The following SRMS variants were observed in gnomAD, a reference collection of about 807,000 sequenced individuals.
SRMS encodes src-related kinase lacking C-terminal regulatory tyrosine and N-terminal myristylation sites.
A neutral mutation model predicts 43.5 loss-of-function variants in SRMS; 42 were observed. That is an observed-to-expected ratio of 0.97 (90% CI 0.75 to 1.25). The LOEUF is 1.25. SRMS is among the 50% of genes most tolerant of loss of function. The pLI is 0.00. For missense variants in SRMS, 703 were observed against 681.0 expected (o/e 1.03, Z -0.36); for synonymous variants, 316 against 308.2 (o/e 1.03, Z -0.27).
In SRMS at chr20:63,542,444, C is replaced by G. The variant is rs374071945; in HGVS notation, c.783G>C (p.Lys261Asn). Residue 261 changes from lysine (K) to asparagine (N), a missense_variant, in exon 4 of 8, where the codon AAG becomes AAC. Transcript: ENST00000217188. ...GSLPVAIKVI[K>N]SANMKLTDLA... ...CGCAGGATCTCGGGGCCTCACCTGA[C>G]TTGATGACCTTGATCGCCACGGGCA... 14 of 1,611,298 alleles carry G rather than the reference C, an allele frequency of 8.7e-6. No individual in the cohort carries two copies. The highest frequency in any genetic ancestry group is 5.9e-6 in the Non-Finnish European group (7 of 1,179,188).
chr20:63,541,609 G>T lies in SRMS; in HGVS notation c.958C>A (p.Arg320=). 1.3e-6 allele frequency: 2 copies of T among 1,546,878 alleles called. No homozygotes were observed. The highest frequency in any genetic ancestry group is 2.4e-5 in the East Asian group (1 of 41,982). Residue 320 remains arginine (R), a synonymous_variant, in exon 6 of 8, where the codon CGG becomes AGG. Coordinates refer to ENST00000217188, the MANE Select transcript of SRMS (RefSeq NM_080823.4). ...LQAFLGTPEG[R]ALRLPPLLGF... ...AGGAGTGGCGGCAGACGCAGGGCCC[G>T]GCCCTCGGGGGCTGCAGGAGACAGC...
Position 63,542,564 on chromosome 20 carries a change from G to A in SRMS, c.663C>T (p.Asp221=), listed in dbSNP as rs969605745. ...PCMPQKAPRQ[D]VWERPHSEFA... ...ATTCGGAGTGTGGCCGCTCCCACAC[G>A]TCCTGCCTCGGGGCCTTCTGCAGGG... The change falls in exon 4 of 8, where the codon GAC becomes GAT. Residue 221 remains aspartate, a synonymous_variant. Transcript: ENST00000217188. 1.9e-5 allele frequency: 31 copies of A among 1,611,316 alleles called. No homozygotes were observed. Among genetic ancestry groups the A allele is most frequent in the African/African-American group, 4.0e-5 (3 of 74,860 alleles).
In SRMS at chr20:63,540,667, G is replaced by C; in HGVS notation, c.*151C>G. The C allele has an allele frequency of 1.0e-6, 1 of 984,604 alleles. No homozygotes were observed. The highest frequency in any genetic ancestry group is 1.5e-6 in the Non-Finnish European group (1 of 685,822). 61.0% of individuals were successfully genotyped at this position (984,604 alleles called of 1,614,324 possible). A position where few individuals can be genotyped will look rare whatever the true frequency, so the allele number is the denominator to read the frequency against. ...GCCCCAGCCCTCCGTCTGCACGTCTGCCTGGTGCACGAACATGTGTGCACG... is the reference window on the plus strand; with the variant it reads ...GCCCCAGCCCTCCGTCTGCACGTCTCCCTGGTGCACGAACATGTGTGCACG... On this transcript the variant is annotated 3_prime_UTR_variant, in exon 8 of 8. Transcript: ENST00000217188.
Position 63,541,275 on chromosome 20 carries a change from G to A in SRMS, c.1201C>T (p.Arg401Cys), listed in dbSNP as rs760674096. 37 of 1,568,244 alleles carry A rather than the reference G, an allele frequency of 2.4e-5. No homozygotes were observed. The highest frequency in any genetic ancestry group is 4.1e-5 in the African/African-American group (3 of 72,642). The change falls in exon 7 of 8, where the codon CGT becomes TGT. Residue 401 changes from arginine (R) to cysteine (C), a missense_variant. Physicochemically the swap from Arg to Cys is radical, Grantham distance 180. Coordinates refer to ENST00000217188, the MANE Select transcript of SRMS (RefSeq NM_080823.4). Reference protein sequence around the residue: ...KWTAPEAANYRVFSQKSDVWS... With the variant: ...KWTAPEAANYCVFSQKSDVWS... ...ACGTCTGACTTCTGGGAGAAGACAC[G>A]ATAATTGGCCGCCTCAGGCGCTGTC...
chr20:63,540,807 C>T lies in SRMS; in HGVS notation c.*11G>A, dbSNP rs752329119. 6.9e-6 allele frequency: 11 copies of T among 1,584,582 alleles called. No homozygotes were observed. The highest frequency in any genetic ancestry group is 9.4e-6 in the Non-Finnish European group (11 of 1,165,918). ...CTGGCTGGAGCCCAGAGCGTTGGGT[C>T]ACGTGAGGACTCAGGGGTGGCATCT... On this transcript the variant is annotated 3_prime_UTR_variant, in exon 8 of 8. Transcript: ENST00000217188.
chr20:63,540,933 CAGGCAGCCG>C lies in SRMS; in HGVS notation c.1343_1351del (p.Pro448_Cys451delinsArg), dbSNP rs936317049. On this transcript the variant is annotated inframe_deletion, in exon 8 of 8. Transcript: ENST00000217188. Reference sequence around the variant, plus strand: ...CATGAGCACGTAGACCTCCGCCGGGCAGGCAGCCGGGCGCGGCAGCCGGTACCCTCGCAT... The same window carrying C: ...CATGAGCACGTAGACCTCCGCCGGGCGGCGCGGCAGCCGGTACCCTCGCAT... 6 of 1,607,134 alleles carry C rather than the reference CAGGCAGCCG, an allele frequency of 3.7e-6. No individual in the cohort carries two copies. The highest frequency in any genetic ancestry group is 5.1e-6 in the Non-Finnish European group (6 of 1,179,556).
Position 63,544,252 on chromosome 20 carries a change from G to T in SRMS, c.453C>A (p.Ser151Arg). Residue 151 changes from serine (S) to arginine (R), a missense_variant, in exon 2 of 8, where the codon AGC becomes AGA. Ser to Arg is a moderately radical substitution (Grantham distance 110). Coordinates refer to ENST00000217188, the MANE Select transcript of SRMS (RefSeq NM_080823.4). ...PGAFLIRPSESSLGGYSLSVR... is the reference protein window; with the variant it reads ...PGAFLIRPSERSLGGYSLSVR... ...CTGACAGTGAGTAGCCCCCGAGGCT[G>T]CTCTCGCTGGGCCGGATGAGGAAGG... The T allele has an allele frequency of 6.8e-7, 1 of 1,471,484 alleles. No homozygotes were observed. The allele number at this position is 1,471,484 out of a possible 1,614,324, so 91.2% of individuals were successfully genotyped here.
chr20:63,542,074 C>G (rs1010277253), intron 5 of SRMS, 89 bp downstream of exon 5: 1 of 1,520,474 alleles, frequency 6.6e-7, no homozygotes, highest in East Asian at 2.3e-5. Context: ...CGGTTCACCT[C>G]GGAAACCCCG....
chr20:63,541,059 C>T, intron 7 of SRMS, 60 bp from the exon 8 acceptor site: 1 of 1,596,130 alleles, frequency 6.3e-7, no homozygotes, highest in Admixed American at 1.8e-5. Context: ...TGGAGGAGGC[C>T]TCCTGTAGCC....
chr20:63,543,604 G>A (rs540871131), intron 2 of SRMS, 124 bp from the exon 3 acceptor site: 7 of 1,203,692 alleles, frequency 5.8e-6, no homozygotes, highest in Non-Finnish European at 8.1e-6. Flanking sequence ...GGGACCCTGA[G>A]ATGGTCAGAG....
chr20:63,547,272 C>T lies in SRMS; in HGVS notation c.192G>A (p.Ala64=), dbSNP rs140773907. The T allele has an allele frequency of 4.4e-5, 71 of 1,610,056 alleles. No homozygotes were observed. Among genetic ancestry groups the T allele is most frequent in the Admixed American group, 1.2e-4 (7 of 59,736 alleles). Reference sequence around the variant, plus strand: ...GGACACTCAGCTCCCCGCCACACCGCGCCGTGAAGTCATAGAGCGCAAGGA... The same window carrying T: ...GGACACTCAGCTCCCCGCCACACCGTGCCGTGAAGTCATAGAGCGCAAGGA... ...QLFLALYDFT[A]RCGGELSVRR... is the part of the protein sequence containing the mutation. The change falls in exon 1 of 8, where the codon GCG becomes GCA. Residue 64 remains alanine, a synonymous_variant. Coordinates refer to ENST00000217188, the MANE Select transcript of SRMS (RefSeq NM_080823.4).
intron 2 of SRMS, 110 bp downstream of exon 2, chr20:63,544,117 G>T: frequency 1.6e-6 from 2 of 1,282,258 alleles, no homozygotes; most frequent in Non-Finnish European, 2.0e-6. Context: ...TGGGCCCTCA[G>T]TGGCGCCGGG....
At chr20:63,542,605 G>A (rs773178890) in intron 3 of SRMS, 24 bp from the exon 4 acceptor site, 1 of 1,591,728 alleles carries the variant, frequency 6.3e-7, no homozygotes, top group South Asian at 1.2e-5. Flanking sequence ...GGGCAGGGAG[G>A]CTGGTCAGCG....
At chr20:63,541,733 C>A in intron 5 of SRMS, 113 bp from the exon 6 acceptor site, 2 of 1,308,120 alleles carry the variant, frequency 1.5e-6, no homozygotes, top group South Asian at 3.1e-5. Flanking sequence ...TAAGACGTGG[C>A]GAGGATGGCA....
rs1377597686 is a variant in SRMS, at chr20:63,542,571, C to T, written c.656G>A (p.Arg219Lys). The T allele has an allele frequency of 5.6e-6, 9 of 1,609,812 alleles. No individual in the cohort carries two copies. In the Admixed American group the frequency reaches 6.7e-5, roughly 12 times the overall value. The change falls in exon 4 of 8, where the codon AGG (arginine) becomes AAG (lysine). Residue 219 changes from arginine to lysine, a missense_variant. Physicochemically the swap from Arg to Lys is conservative, Grantham distance 26. Transcript: ENST00000217188. The stretch of plus-strand genomic sequence containing the variant: ...GTGTGGCCGCTCCCACACGTCCTGC[C>T]TCGGGGCCTTCTGCAGGGAGGGTGG... ...LQPCMPQKAP[R>K]QDVWERPHSE...
rs1286030576 is a variant in SRMS, at chr20:63,540,430, T to A, written c.*388A>T. Among the ~76,000 whole-genome samples the A allele has an allele frequency of 1.3e-5, 2 of 152,112 alleles. No individual in the cohort carries two copies. ...GTTCCTCACCCAGAGCCTCCGAGGCTTCTACCCACCCTCCTGTGCCGTTGT... is the reference window on the plus strand; with the variant it reads ...GTTCCTCACCCAGAGCCTCCGAGGCATCTACCCACCCTCCTGTGCCGTTGT... On this transcript the variant is annotated 3_prime_UTR_variant, in exon 8 of 8. Transcript: ENST00000217188.
chr20:63,543,214 C>CT lies in SRMS; in HGVS notation c.645+99dup, dbSNP rs2082713507. 3.4e-6 allele frequency: 5 copies of CT among 1,453,490 alleles called. No homozygotes were observed. The East Asian group carries it at 1.1e-4, about 33-fold the overall frequency. The allele number at this position is 1,453,490 out of a possible 1,614,324, so 90.0% of individuals were successfully genotyped here. A position where few individuals can be genotyped will look rare whatever the true frequency, so the allele number is the denominator to read the frequency against. On this transcript the variant is annotated intron_variant, in intron 3 of 7. Coordinates refer to ENST00000217188, the MANE Select transcript of SRMS (RefSeq NM_080823.4). ...TGGGCAGGGCCCTGGAGCTGCGCCT[C>CT]TGACAGCCCCAGGGGTTTTGTGACG...
Position 63,547,110 on chromosome 20 carries a change from T to G in SRMS, c.354A>C (p.Gln118His). The G allele has an allele frequency of 1.9e-6, 3 of 1,562,202 alleles. No individual in the cohort carries two copies. The highest frequency in any genetic ancestry group is 2.6e-6 in the Non-Finnish European group (3 of 1,150,034). The part of the protein sequence containing the change: ...AKASPETLSD[Q>H]PWYFSGVSRT... The stretch of plus-strand genomic sequence containing the variant: ...GACTCCGAGGCCGAGGTACTCACGG[T>G]TGGTCTGAGAGCGTCTCAGGAGAAG... Residue 118 changes from glutamine (Q) to histidine (H), a missense_variant and splice_region_variant, in exon 1 of 8, where the codon CAA (glutamine) becomes CAC (histidine). By Grantham distance (24) the Gln-to-His change is conservative. Transcript: ENST00000217188.
chr20:63,540,532 A>T lies in SRMS; in HGVS notation c.*286T>A, dbSNP rs1466848584. Among the ~76,000 whole-genome samples, 1 of 149,982 alleles carries T rather than the reference A, an allele frequency of 6.7e-6. No homozygotes were observed. Among genetic ancestry groups the T allele is most frequent in the Non-Finnish European group, 1.5e-5 (1 of 67,646 alleles). On this transcript the variant is annotated 3_prime_UTR_variant, in exon 8 of 8. Transcript: ENST00000217188. ...CCAGCCCTCCGTCTGCACGAGTCAC[A>T]CTGCACGGGGAACGTCAGCCCCAGC...
Sources: allele counts gnomAD v4.1 joint callset (sites outside exome capture counted in the v4.1 genomes callset), GRCh38; gene constraint gnomAD v4.1.1; transcripts MANE v1.5; gene names NCBI Gene and HGNC (gene_info 2026-07-23, HGNC 2026-07-21).